Variants in CTNNA3 observed in about 807,000 individuals in gnomAD.
CTNNA3 encodes the protein catenin alpha 3.
In CTNNA3, 76 loss-of-function variants were observed where a neutral mutation model predicts 95.7. The ratio of observed to expected loss-of-function variants is 0.79; its 90% CI spans 0.66 to 0.96. CTNNA3 has a LOEUF of 0.96. Among genes scored for constraint, CTNNA3 ranks in the 40% least tolerant of loss-of-function variants. The probability of loss-of-function intolerance (pLI) is 0.00; values close to 1 mark genes in which losing one functional copy is unlikely to be tolerated. For missense variants in CTNNA3, 1,191 were observed against 1,089.8 expected, an observed-to-expected ratio of 1.09 and a Z score of -1.31; for synonymous variants, 431 against 374.4, an observed-to-expected ratio of 1.15 and a Z score of -1.74.
rs1279623786 is a variant in CTNNA3 at position 65,915,195 on chromosome 10, C to T, written c.*5135G>A. 6.6e-6 allele frequency: 1 copy of T among 152,086 alleles called. No homozygotes were observed. The allele number at this position is 152,086 out of a possible 1,614,324, so 9.4% of individuals were successfully genotyped here. On this transcript the variant is annotated 3_prime_UTR_variant, in exon 18 of 18. Transcript: ENST00000433211. The stretch of plus-strand genomic sequence containing the variant: ...TTGGCTCTAATATTGGGAAGAATTT[C>T]ACCTACCATCAGTCAGGAGAATGGC...
At chr10:67,388,026 G>T (rs1198094770) in intron 5 of CTNNA3, among the ~76,000 whole-genome samples, 6 of 151,976 alleles carry the variant, frequency 3.9e-5, no homozygotes, top group Admixed American at 3.3e-4. Flanking sequence ...AAGGAACACA[G>T]TTCCTCACCA....
intron 1 of CTNNA3, among the ~76,000 whole-genome samples, chr10:67,753,264 G>A (rs549665580): frequency 6.6e-6 from 1 of 152,224 alleles, no homozygotes; most frequent in African/African-American, 2.4e-5. Flanking sequence ...AAACTGGCTA[G>A]CCACATGCAG....
At chr10:66,549,350 G>A (rs934380321) in intron 10 of CTNNA3, among the ~76,000 whole-genome samples, 1 of 152,054 alleles carries the variant, frequency 6.6e-6, no homozygotes, top group Admixed American at 6.6e-5. Flanking sequence ...TCACCACTAT[G>A]AGATTTTTTG....
At chr10:65,945,405 T>C (rs2077501082) in intron 17 of CTNNA3, among the ~76,000 whole-genome samples, 1 of 152,210 alleles carries the variant, frequency 6.6e-6, no homozygotes, top group Non-Finnish European at 1.5e-5. Flanking sequence ...ACAAACTTGA[T>C]TGATACTTCA....
chr10:66,265,516 A>G (rs1487203281), intron 13 of CTNNA3, among the ~76,000 whole-genome samples: 2 of 152,112 alleles, frequency 1.3e-5, no homozygotes, highest in East Asian at 1.9e-4. Context: ...TGTCAAAATA[A>G]CTTATTGTCT....
At chr10:67,112,562 T>C (rs2131973143) in intron 7 of CTNNA3, among the ~76,000 whole-genome samples, 1 of 152,138 alleles carries the variant, frequency 6.6e-6, no homozygotes, top group Admixed American at 6.6e-5. Context: ...GATTTGTATT[T>C]CAGAGAAAAA....
At chr10:67,522,736 ATAAT>A (rs1477200483) in intron 4 of CTNNA3, among the ~76,000 whole-genome samples, 4 of 151,994 alleles carry the variant, frequency 2.6e-5, no homozygotes, top group African/African-American at 9.6e-5. Flanking sequence ...TCTGCTACTA[ATAAT>A]TAATTAAGCA....
At chr10:66,732,274 A>G (rs987657753) in intron 9 of CTNNA3, among the ~76,000 whole-genome samples, 19 of 152,156 alleles carry the variant, frequency 1.2e-4, no homozygotes, top group Non-Finnish European at 1.9e-4. Context: ...AAAACAGAGA[A>G]AAATCTAGAC....
chr10:66,342,152 T>C (rs1457654115), intron 12 of CTNNA3, among the ~76,000 whole-genome samples: 1 of 151,956 alleles, frequency 6.6e-6, no homozygotes, highest in Non-Finnish European at 1.5e-5. Context: ...AAATTACACT[T>C]CTTTTTTGCA....
At chr10:66,245,355 G>T (rs1442033050) in intron 13 of CTNNA3, among the ~76,000 whole-genome samples, 1 of 152,158 alleles carries the variant, frequency 6.6e-6, no homozygotes, top group Non-Finnish European at 1.5e-5. Context: ...GAGCTCCCAG[G>T]TCTGGGATCC....
intron 11 of CTNNA3, among the ~76,000 whole-genome samples, chr10:66,433,660 T>C (rs144437759): frequency 6.6e-6 from 1 of 152,142 alleles, no homozygotes; most frequent in Non-Finnish European, 1.5e-5. Context: ...AGATCCCATT[T>C]GTCAATTTTG....
chr10:67,540,452 T>A (rs1046296836), intron 3 of CTNNA3, among the ~76,000 whole-genome samples: 5 of 151,890 alleles, frequency 3.3e-5, no homozygotes, highest in African/African-American at 9.7e-5. Flanking sequence ...TTTACCACAC[T>A]AAAGAACATC....
At chr10:67,036,469 G>A (rs1177590868) in intron 7 of CTNNA3, among the ~76,000 whole-genome samples, 3 of 152,078 alleles carry the variant, frequency 2.0e-5, no homozygotes, top group Non-Finnish European at 4.4e-5. Flanking sequence ...TTTGAGATCA[G>A]CCTGGCCAAC....
intron 15 of CTNNA3, among the ~76,000 whole-genome samples, chr10:66,021,251 C>CAAATT (rs2079199112): frequency 2.6e-5 from 4 of 152,060 alleles, no homozygotes; most frequent in Non-Finnish European, 5.9e-5. Flanking sequence ...TATATCAAAC[C>CAAATT]TACTAAATTA....
At chr10:66,851,620 T>TCTCC (rs1478539992) in intron 7 of CTNNA3, among the ~76,000 whole-genome samples, 18 of 133,194 alleles carry the variant, frequency 1.4e-4, no homozygotes, top group African/African-American at 5.3e-4. Context: ...CCCACCTCTC[T>TCTCC]CTTTCTCTCA....
intron 5 of CTNNA3, among the ~76,000 whole-genome samples, chr10:67,414,915 T>C (rs1328088386): frequency 6.6e-6 from 1 of 152,178 alleles, no homozygotes; most frequent in Non-Finnish European, 1.5e-5. Flanking sequence ...GAGCAAAAAC[T>C]ATAGGATCAT....
chr10:66,657,473 A>G (rs1053023533), intron 9 of CTNNA3, among the ~76,000 whole-genome samples: 1 of 152,154 alleles, frequency 6.6e-6, no homozygotes, highest in Non-Finnish European at 1.5e-5. Flanking sequence ...ACATGCTGCC[A>G]CTAATATGTA....
chr10:66,494,385 C>G (rs1424676909), intron 11 of CTNNA3, among the ~76,000 whole-genome samples: 1 of 152,170 alleles, frequency 6.6e-6, no homozygotes, highest in Non-Finnish European at 1.5e-5. Context: ...GGGTATTAGA[C>G]CCTGTTCATT....
chr10:66,761,386 C>T lies in CTNNA3; in HGVS notation c.1281+4878G>A, dbSNP rs1258821617. On this transcript the variant is annotated intron_variant, in intron 9 of 17. Coordinates refer to ENST00000433211, the MANE Select transcript of CTNNA3 (RefSeq NM_013266.4). ...ATTTTTGATGAGTAAGTCAAAGCACCGACAAACCTGGCTTTCCACATAGAG... is the reference window on the plus strand; with the variant it reads ...ATTTTTGATGAGTAAGTCAAAGCACTGACAAACCTGGCTTTCCACATAGAG... 1.3e-5 allele frequency among the ~76,000 whole-genome samples: 2 copies of T among 151,874 alleles called. 1 individual carries two copies. The highest frequency in any genetic ancestry group is 4.8e-5 in the African/African-American group (2 of 41,330).
Sources: gnomAD v4.1 joint callset for allele counts (sites outside exome capture counted in the v4.1 genomes callset) on GRCh38, gnomAD v4.1.1 for gene constraint, MANE v1.5 for transcripts, NCBI Gene and HGNC (gene_info 2026-07-23, HGNC 2026-07-21) for gene names.